OXR1: variants seen among roughly 807,000 people sequenced by gnomAD.
OXR1 encodes oxidation resistance 1.
OXR1 carries 41 observed loss-of-function variants against 104.6 expected under a neutral mutation model. The observed-to-expected ratio is 0.39, with a 90% CI of 0.31 to 0.51. The LOEUF (loss-of-function observed/expected upper bound fraction) is 0.51. OXR1 is among the 20% of genes least tolerant of loss of function. The pLI is 0.77. For synonymous variants in OXR1, 348 were observed against 348.4 expected (o/e 1.00, Z 0.01); for missense variants, 955 against 1,031.9 (o/e 0.93, Z 1.02).
At chr8:106,332,130 T>G (rs2345799) in intron 1 of OXR1, among the ~76,000 whole-genome samples, 94,316 of 151,138 alleles carry the variant, frequency 0.62, 29,842 homozygotes, top group African/African-American at 0.73. Flanking sequence ...GAGAATTTAT[T>G]AAATCAAGTC....
chr8:106,433,818 G>A (rs1187559355), intron 2 of OXR1, among the ~76,000 whole-genome samples: 1 of 152,136 alleles, frequency 6.6e-6, no homozygotes, highest in African/African-American at 2.4e-5. Context: ...GTTACTTACA[G>A]TTTTTCACTT....
At chr8:106,329,958 C>A (rs1029242348) in intron 1 of OXR1, among the ~76,000 whole-genome samples, 1 of 151,926 alleles carries the variant, frequency 6.6e-6, no homozygotes, top group African/African-American at 2.4e-5. Flanking sequence ...TTGGCAAATA[C>A]TAAACTTTAA....
At chr8:106,396,510 T>G (rs1817789570) in intron 2 of OXR1, among the ~76,000 whole-genome samples, 3 of 152,020 alleles carry the variant, frequency 2.0e-5, no homozygotes, top group African/African-American at 7.2e-5. Flanking sequence ...ACAAATATTA[T>G]TAAAACTGTC....
At chr8:106,410,219 A>C (rs1331948134) in intron 2 of OXR1, among the ~76,000 whole-genome samples, 1 of 152,192 alleles carries the variant, frequency 6.6e-6, no homozygotes, top group Non-Finnish European at 1.5e-5. Flanking sequence ...TTATAGTTTT[A>C]ATATCCCTTT....
At chr8:106,511,110 A>G (rs1812495834) in intron 2 of OXR1, among the ~76,000 whole-genome samples, 1 of 152,140 alleles carries the variant, frequency 6.6e-6, no homozygotes, top group Non-Finnish European at 1.5e-5. Context: ...TTTAAAGCAT[A>G]AGTTTCCAAT....
chr8:106,633,411 A>G (rs542546637), intron 3 of OXR1, among the ~76,000 whole-genome samples: 3 of 152,214 alleles, frequency 2.0e-5, no homozygotes, highest in African/African-American at 7.2e-5. Context: ...CCCTTCAATT[A>G]TTTTACTTTG....
intron 2 of OXR1, among the ~76,000 whole-genome samples, chr8:106,404,908 C>T (rs755230680): frequency 6.6e-5 from 10 of 151,714 alleles, no homozygotes; most frequent in Non-Finnish European, 1.3e-4. Context: ...GGTTTCACCA[C>T]GTTAACCTGG....
intron 3 of OXR1, among the ~76,000 whole-genome samples, chr8:106,526,416 A>G (rs1813665070): frequency 6.6e-6 from 1 of 152,258 alleles, no homozygotes; most frequent in Non-Finnish European, 1.5e-5. Context: ...ATTGTTTTCA[A>G]GAGGAGGTAT....
intron 2 of OXR1, among the ~76,000 whole-genome samples, chr8:106,445,478 G>A (rs1819974439): frequency 6.6e-6 from 1 of 152,100 alleles, no homozygotes; most frequent in Non-Finnish European, 1.5e-5. Flanking sequence ...CATGATTCAG[G>A]ACAGCACCCC....
At chr8:106,625,667 T>G (rs1822087119) in intron 3 of OXR1, among the ~76,000 whole-genome samples, 1 of 152,212 alleles carries the variant, frequency 6.6e-6, no homozygotes, top group East Asian at 1.9e-4. Flanking sequence ...TGGTGAGATA[T>G]GTTGACAATC....
intron 3 of OXR1, among the ~76,000 whole-genome samples, chr8:106,631,137 A>C (rs1184315817): frequency 6.6e-6 from 1 of 152,230 alleles, no homozygotes; most frequent in Non-Finnish European, 1.5e-5. Context: ...AAGTGCTTGA[A>C]GCTTTTTAGA....
chr8:106,558,228 G>A (rs2130469594), intron 3 of OXR1, among the ~76,000 whole-genome samples: 1 of 152,322 alleles, frequency 6.6e-6, no homozygotes, highest in East Asian at 1.9e-4. Flanking sequence ...GCTACTCTGG[G>A]GAGTAAAAGC....
chr8:106,495,617 A>G (rs1165712022), intron 2 of OXR1, among the ~76,000 whole-genome samples: 15 of 152,308 alleles, frequency 9.8e-5, no homozygotes, highest in African/African-American at 3.6e-4. Flanking sequence ...CTGGGGTAAG[A>G]TAGAAGAGAG....
intron 1 of OXR1, among the ~76,000 whole-genome samples, chr8:106,350,783 A>G (rs1039100213): frequency 5.9e-5 from 9 of 152,204 alleles, no homozygotes; most frequent in African/African-American, 1.9e-4. Context: ...TGTTCTAGAG[A>G]GACACATATC....
At chr8:106,642,680 A>T (rs1823753220) in intron 3 of OXR1, among the ~76,000 whole-genome samples, 1 of 152,198 alleles carries the variant, frequency 6.6e-6, no homozygotes, top group South Asian at 2.1e-4. Flanking sequence ...GCCCAGAAAA[A>T]AGAAGAATCA....
chr8:106,643,880 C>T (rs888059776), intron 3 of OXR1, among the ~76,000 whole-genome samples: 8 of 151,982 alleles, frequency 5.3e-5, no homozygotes, highest in Admixed American at 3.3e-4. Flanking sequence ...GTTAAGGTTG[C>T]GATTAGTATG....
intron 1 of OXR1, among the ~76,000 whole-genome samples, chr8:106,288,977 G>A (rs1015689337): frequency 2.0e-5 from 3 of 152,024 alleles, no homozygotes; most frequent in African/African-American, 7.2e-5. Flanking sequence ...TGTTTTCACA[G>A]ACTCTGCTTT....
chr8:106,483,748 G>C (rs1822277957), intron 2 of OXR1, among the ~76,000 whole-genome samples: 1 of 151,978 alleles, frequency 6.6e-6, no homozygotes, highest in African/African-American at 2.4e-5. Flanking sequence ...AAATTTCCAA[G>C]CCCACAGAGT....
At chr8:106,724,629 C>A (rs908254445) in intron 11 of OXR1, among the ~76,000 whole-genome samples, 6 of 152,154 alleles carry the variant, frequency 3.9e-5, no homozygotes, top group African/African-American at 1.4e-4. Flanking sequence ...TGGAGCCCAG[C>A]ATTCTGGTAT....
Sources: allele counts gnomAD v4.1 joint callset (sites outside exome capture counted in the v4.1 genomes callset), GRCh38; gene constraint gnomAD v4.1.1; transcripts MANE v1.5; gene names NCBI Gene and HGNC (gene_info 2026-07-23, HGNC 2026-07-21).